VTI1A: variants seen among roughly 807,000 people sequenced by gnomAD.
The protein encoded by VTI1A is vesicle transport through interaction with t-SNAREs homolog 1A.
Under a neutral mutation model 34.9 loss-of-function variants are expected in VTI1A, and 22 were observed. The observed-to-expected ratio is 0.63, with a 90% CI of 0.45 to 0.90. The LOEUF (loss-of-function observed/expected upper bound fraction) is 0.90, where lower values mean the gene tolerates loss of function less well. VTI1A is among the 40% of genes least tolerant of loss of function. The pLI, the probability that VTI1A is intolerant of heterozygous loss-of-function variation, is 0.00. For synonymous variants in VTI1A, 87 were observed against 97.3 expected (o/e 0.89, Z 0.62); for missense variants, 268 against 275.6 (o/e 0.97, Z 0.20).
intron 4 of VTI1A, among the ~76,000 whole-genome samples, chr10:112,533,155 A>C (rs1350511441): frequency 3.3e-5 from 5 of 152,086 alleles, no homozygotes; most frequent in Non-Finnish European, 7.4e-5. Context: ...GAAAACTTGT[A>C]TATACAAAAC....
the VTI1A span, among the ~76,000 whole-genome samples, chr10:112,830,138 G>A: frequency 6.6e-6 from 1 of 152,146 alleles, no homozygotes; most frequent in African/African-American, 2.4e-5. Flanking sequence ...TAGGTAGGTT[G>A]TCCAAGCTCA....
chr10:112,625,936 G>A (rs915080142), intron 5 of VTI1A, among the ~76,000 whole-genome samples: 2 of 152,142 alleles, frequency 1.3e-5, no homozygotes, highest in Non-Finnish European at 1.5e-5. Flanking sequence ...AATAAGTCAC[G>A]TAAAGCACTT....
At chr10:112,842,050 C>CTTTTTTTTTTTTTTTTTTT in the VTI1A span, among the ~76,000 whole-genome samples, 6 of 93,166 alleles carry the variant, frequency 6.4e-5, 1 homozygote, top group South Asian at 3.5e-4. Flanking sequence ...TTTTTTTTTT[C>CTTTTTTTTTTTTTTTTTTT]CTTTTTTTTT....
intron 7 of VTI1A, among the ~76,000 whole-genome samples, chr10:112,764,746 G>A (rs1057229443): frequency 2.0e-5 from 3 of 152,014 alleles, no homozygotes; most frequent in Admixed American, 6.6e-5. Context: ...TCATCTCAGC[G>A]TCATCATTTT....
intron 7 of VTI1A, among the ~76,000 whole-genome samples, chr10:112,811,192 T>A (rs1853277264): frequency 6.6e-6 from 1 of 152,130 alleles, no homozygotes; most frequent in Non-Finnish European, 1.5e-5. Context: ...ACATAATGAC[T>A]GCAGGATCCA....
chr10:112,512,314 A>AT lies in VTI1A; in HGVS notation c.265-14767dup, dbSNP rs796257296. On this transcript the variant is annotated intron_variant, in intron 3 of 7. Coordinates refer to ENST00000393077, the MANE Select transcript of VTI1A (RefSeq NM_145206.4). ...TCTTTGATAATTTGTTATATCGAGC[A>AT]TTTTTTCATATACCTGTTGGCTATT... is the stretch of plus-strand genomic sequence containing the variant. 3.5e-4 allele frequency among the ~76,000 whole-genome samples: 54 copies of AT among 152,168 alleles called. 1 individual carries two copies. Among genetic ancestry groups the AT allele is most frequent in the African/African-American group, 1.2e-3 (51 of 41,514 alleles).
At chr10:112,538,533 G>A (rs951545018) in intron 5 of VTI1A, 8 of 502,880 alleles carry the variant, frequency 1.6e-5, no homozygotes, top group Admixed American at 1.1e-4. Flanking sequence ...CAGTTCCTGA[G>A]GTTTAAAAGT....
chr10:112,588,760 T>TACATTACATTACTATAA (rs1844259952), intron 5 of VTI1A, among the ~76,000 whole-genome samples: 1 of 152,200 alleles, frequency 6.6e-6, no homozygotes, highest in Non-Finnish European at 1.5e-5. Context: ...CTTTAATGTA[T>TACATTACATTACTATAA]TATAGTAAAT....
upstream of VTI1A, chr10:112,447,102 TG>T (rs1846849330): frequency 2.1e-6 from 1 of 475,678 alleles, no homozygotes. Flanking sequence ...TACGCTTTTC[TG>T]GGGGGAGGCA....
chr10:112,780,796 C>T (rs1852100215), intron 7 of VTI1A, among the ~76,000 whole-genome samples: 1 of 152,006 alleles, frequency 6.6e-6, no homozygotes, highest in South Asian at 2.1e-4. Context: ...CTCTTCAGCT[C>T]GCCTCCCTCC....
chr10:112,554,173 A>G (rs1589896837), intron 5 of VTI1A, among the ~76,000 whole-genome samples: 1 of 152,220 alleles, frequency 6.6e-6, no homozygotes, highest in East Asian at 1.9e-4. Flanking sequence ...AACAAAAAAT[A>G]ATTCTGCTGT....
chr10:112,579,908 A>G (rs7083151), intron 5 of VTI1A, among the ~76,000 whole-genome samples: 6,374 of 152,332 alleles, frequency 0.042, 477 homozygotes, highest in African/African-American at 0.14. Flanking sequence ...CCCAGAGAGT[A>G]TTCAAACAGG....
intron 5 of VTI1A, among the ~76,000 whole-genome samples, chr10:112,586,915 T>C (rs1844182983): frequency 6.6e-6 from 1 of 152,228 alleles, no homozygotes; most frequent in South Asian, 2.1e-4. Context: ...GTTTCATTCT[T>C]TCATGGACCT....
At chr10:112,716,636 C>A (rs926984102) in intron 7 of VTI1A, among the ~76,000 whole-genome samples, 3 of 152,080 alleles carry the variant, frequency 2.0e-5, no homozygotes, top group Non-Finnish European at 4.4e-5. Context: ...ACCATCCCTA[C>A]TCTGAAAATC....
chr10:112,664,283 C>T (rs761523573), intron 5 of VTI1A, among the ~76,000 whole-genome samples: 3 of 152,090 alleles, frequency 2.0e-5, no homozygotes, highest in African/African-American at 2.4e-5. Flanking sequence ...ATTTGAGGCT[C>T]GTTCCCTTTC....
At chr10:112,681,947 G>A (rs553651885) in intron 7 of VTI1A, among the ~76,000 whole-genome samples, 4 of 152,020 alleles carry the variant, frequency 2.6e-5, no homozygotes, top group Non-Finnish European at 4.4e-5. Context: ...CTTTATCATC[G>A]AATGGGCTTA....
intron 3 of VTI1A, among the ~76,000 whole-genome samples, chr10:112,479,747 A>G (rs1457533502): frequency 6.6e-6 from 1 of 152,162 alleles, no homozygotes; most frequent in Non-Finnish European, 1.5e-5. Flanking sequence ...TCCCCTAAAT[A>G]TTATTCACTA....
chr10:112,691,819 A>G (rs1008399076), intron 7 of VTI1A, among the ~76,000 whole-genome samples: 1 of 152,144 alleles, frequency 6.6e-6, no homozygotes, highest in Non-Finnish European at 1.5e-5. Context: ...TGACATGGTA[A>G]AATCCTCCCT....
intron 7 of VTI1A, among the ~76,000 whole-genome samples, chr10:112,793,889 A>ACC (rs1054111906): frequency 2.0e-5 from 3 of 152,064 alleles, no homozygotes; most frequent in African/African-American, 7.2e-5. Context: ...TGCACTGTGT[A>ACC]CCCTCCTGCT....
Sources: gnomAD v4.1 joint callset for allele counts (sites outside exome capture counted in the v4.1 genomes callset) on GRCh38, gnomAD v4.1.1 for gene constraint, MANE v1.5 for transcripts, NCBI Gene and HGNC (gene_info 2026-07-23, HGNC 2026-07-21) for gene names.